The following TENM3 variants were observed in gnomAD, a reference collection of about 807,000 sequenced individuals.
The protein encoded by TENM3 is teneurin-3.
A neutral mutation model predicts 255.1 loss-of-function variants in TENM3; 63 were observed. The observed-to-expected ratio is 0.25, with a 90% CI of 0.20 to 0.30. The LOEUF (loss-of-function observed/expected upper bound fraction) is 0.30. Ranked by LOEUF, TENM3 falls within the 10% of genes least tolerant of loss-of-function variation. The pLI is 1.00. For missense variants in TENM3, 2,929 were observed against 3,461.1 expected (o/e 0.85, Z 3.86); for synonymous variants, 1,306 against 1,322.3 (o/e 0.99, Z 0.27).
chr4:181,791,243 G>A, the TENM3 span, among the ~76,000 whole-genome samples: 4 of 151,856 alleles, frequency 2.6e-5, no homozygotes, highest in African/African-American at 9.7e-5. Flanking sequence ...TTTTGTGGGG[G>A]GTATTTATTG....
the TENM3 span, among the ~76,000 whole-genome samples, chr4:181,633,900 A>G: frequency 1.3e-5 from 2 of 152,188 alleles, no homozygotes; most frequent in Non-Finnish European, 2.9e-5. Flanking sequence ...CAATTCCTTT[A>G]TGCAATATGC....
intron 19 of TENM3, chr4:182,744,179 T>G (rs1377033346): frequency 2.1e-6 from 2 of 951,506 alleles, no homozygotes; most frequent in Non-Finnish European, 2.5e-6. Context: ...CATCTTACCT[T>G]AAGGTTATTG....
chr4:182,294,152 C>T (rs1761310506), intron 1 of TENM3, among the ~76,000 whole-genome samples: 1 of 152,044 alleles, frequency 6.6e-6, no homozygotes, highest in Non-Finnish European at 1.5e-5. Context: ...AAAATGTCAT[C>T]GCTTAAGAAG....
Position 182,754,931 on chromosome 4 carries a change from T to C in TENM3, c.4564T>C (p.Tyr1522His), listed in dbSNP as rs763343185. ...TGCGTCTCCAACTGATCAAGAACTC[T>C]ACATCTTTGACATCAATGGTACTCA... ...EVASPTDQEL[Y>H]IFDINGTHQY... The change falls in exon 22 of 28, where the codon TAC becomes CAC. Residue 1522 changes from tyrosine to histidine, a missense_variant. Tyr to His is a moderately conservative substitution (Grantham distance 83). Around this residue, in one of 6 missense-constraint regions of TENM3, gnomAD observed 1,608 missense variants for 1,884.4 expected, o/e 0.85. Transcript: ENST00000511685. This position sits in a 1 kb window ranked among gnomAD's most constrained non-coding sequence, Gnocchi z 5.1. 4.3e-6 allele frequency: 7 copies of C among 1,613,930 alleles called. No individual in the cohort carries two copies. The South Asian group carries it at 7.7e-5, about 18-fold the overall frequency.
the TENM3 span, among the ~76,000 whole-genome samples, chr4:181,579,201 G>T: frequency 6.6e-6 from 1 of 152,032 alleles, no homozygotes; most frequent in East Asian, 1.9e-4. Context: ...ATAAGCATCA[G>T]TTGTGAGAAA....
chr4:182,421,691 A>G (rs1392739722), intron 3 of TENM3, among the ~76,000 whole-genome samples: 2 of 152,206 alleles, frequency 1.3e-5, no homozygotes, highest in African/African-American at 4.8e-5. Context: ...ATCTATTTTT[A>G]TATGTATTAA....
chr4:181,934,987 T>C, the TENM3 span, among the ~76,000 whole-genome samples: 2 of 152,222 alleles, frequency 1.3e-5, no homozygotes, highest in Non-Finnish European at 2.9e-5. Context: ...TGGATTCTGC[T>C]TCTTCCCTGA....
chr4:181,681,427 T>C, the TENM3 span, among the ~76,000 whole-genome samples: 2 of 152,126 alleles, frequency 1.3e-5, no homozygotes, highest in Admixed American at 6.6e-5. Flanking sequence ...ATCACTAAAA[T>C]TGCTCAACTC....
chr4:182,671,542 G>A (rs1031783280), intron 6 of TENM3, among the ~76,000 whole-genome samples: 11 of 152,174 alleles, frequency 7.2e-5, no homozygotes, highest in African/African-American at 2.2e-4. Context: ...TGTTGCTTTA[G>A]GGTCTCACTT....
At chr4:181,978,707 T>A in the TENM3 span, among the ~76,000 whole-genome samples, 1 of 149,572 alleles carries the variant, frequency 6.7e-6, no homozygotes, top group Non-Finnish European at 1.5e-5. Flanking sequence ...ATTTACTGAC[T>A]GATTTTTCTG....
chr4:181,975,582 G>A, the TENM3 span: 3 of 152,108 alleles, frequency 2.0e-5, no homozygotes, highest in Non-Finnish European at 4.4e-5. Flanking sequence ...TGTTTTAAGA[G>A]CACCACTCTG....
At chr4:182,682,597 C>T (rs1756259272) in intron 11 of TENM3, among the ~76,000 whole-genome samples, 1 of 152,186 alleles carries the variant, frequency 6.6e-6, no homozygotes, top group South Asian at 2.1e-4. Flanking sequence ...GACTGAAAGA[C>T]TTAACAAATC....
intron 24 of TENM3, among the ~76,000 whole-genome samples, chr4:182,777,784 G>A (rs1458901164): frequency 2.0e-5 from 3 of 149,194 alleles, no homozygotes; most frequent in Admixed American, 6.7e-5. Context: ...TCTTGAACTC[G>A]GGACCTCAAG....
At chr4:181,455,693 G>C in the TENM3 span, among the ~76,000 whole-genome samples, 1 of 151,774 alleles carries the variant, frequency 6.6e-6, no homozygotes, top group African/African-American at 2.4e-5. Context: ...ATCTGTTGAG[G>C]GTTTAGTGGA....
intron 3 of TENM3, among the ~76,000 whole-genome samples, chr4:182,363,667 T>C (rs560119899): frequency 6.6e-6 from 1 of 152,274 alleles, no homozygotes; most frequent in African/African-American, 2.4e-5. Flanking sequence ...TTACAAGTGA[T>C]ATATCCAAGA....
At chr4:182,099,105 G>A in the TENM3 span, among the ~76,000 whole-genome samples, 1 of 151,560 alleles carries the variant, frequency 6.6e-6, no homozygotes, top group African/African-American at 2.4e-5. Flanking sequence ...AGGACTACAG[G>A]TGTATGCCGC....
At chr4:182,164,264 G>T (rs1751561707) in intron 1 of TENM3, among the ~76,000 whole-genome samples, 1 of 152,100 alleles carries the variant, frequency 6.6e-6, no homozygotes, top group Non-Finnish European at 1.5e-5. Flanking sequence ...CATCTTTCCT[G>T]GGTGGCCCAC....
intron 3 of TENM3, among the ~76,000 whole-genome samples, chr4:182,469,345 G>C (rs772846369): frequency 7.9e-5 from 12 of 152,090 alleles, no homozygotes; most frequent in Non-Finnish European, 1.6e-4. Context: ...ATATATTAAA[G>C]TTCAGAAGAG....
the TENM3 span, among the ~76,000 whole-genome samples, chr4:181,496,567 C>T: frequency 6.6e-6 from 1 of 152,236 alleles, no homozygotes; most frequent in African/African-American, 2.4e-5. Flanking sequence ...TGAGATGTAA[C>T]TTTTCAATGT....
Sources: allele counts gnomAD v4.1 joint callset (sites outside exome capture counted in the v4.1 genomes callset), GRCh38; gene constraint gnomAD v4.1.1; regional missense constraint gnomAD v4.1.1; non-coding constraint Gnocchi (gnomAD v3.1); transcripts MANE v1.5; gene names NCBI Gene and HGNC (gene_info 2026-07-23, HGNC 2026-07-21).